RBM27: variants seen among roughly 807,000 people sequenced by gnomAD.
RBM27 encodes RNA-binding protein 27.
In RBM27, 22 loss-of-function variants were observed where a neutral mutation model predicts 135.3. The observed-to-expected ratio is 0.16, with a 90% CI of 0.12 to 0.23. RBM27 has a LOEUF of 0.23. Ranked by LOEUF, RBM27 falls within the 10% of genes least tolerant of loss-of-function variation. The probability of loss-of-function intolerance (pLI) is 1.00; values close to 1 mark genes in which losing one functional copy is unlikely to be tolerated. For synonymous variants in RBM27, 481 were observed against 442.4 expected (o/e 1.09, Z -1.10); for missense variants, 1,009 against 1,281.0 (o/e 0.79, Z 3.24).
At chr5:146,267,949 A>G (rs939126090) in intron 15 of RBM27, among the ~76,000 whole-genome samples, 181 bp downstream of exon 15, 2 of 152,148 alleles carry the variant, frequency 1.3e-5, no homozygotes, top group Non-Finnish European at 2.9e-5. Context: ...ATGTTTCACA[A>G]TTGCCATTCA....
chr5:146,228,943 T>C lies in RBM27; in HGVS notation c.304-3T>C, dbSNP rs1440610700. On this transcript the variant is annotated splice_region_variant and splice_polypyrimidine_tract_variant and intron_variant, in intron 3 of 20. Coordinates refer to ENST00000265271, the MANE Select transcript of RBM27 (RefSeq NM_018989.2). ...CTTACTTCTACTCAATATTTTCATATAGGTATTTCAGGAGCCAGCAGAGGA... is the reference window on the plus strand; with the variant it reads ...CTTACTTCTACTCAATATTTTCATACAGGTATTTCAGGAGCCAGCAGAGGA... The C allele has an allele frequency of 1.9e-6, 3 of 1,612,044 alleles. No individual in the cohort carries two copies. The highest frequency in any genetic ancestry group is 2.5e-6 in the Non-Finnish European group (3 of 1,178,508).
At chr5:146,214,956 A>G (rs1481886497) in intron 1 of RBM27, among the ~76,000 whole-genome samples, 1 of 152,178 alleles carries the variant, frequency 6.6e-6, no homozygotes, top group East Asian at 1.9e-4. Flanking sequence ...GATTTTTAGC[A>G]CTATCATATC....
intron 8 of RBM27, 136 bp downstream of exon 8, chr5:146,237,568 A>G: frequency 9.4e-7 from 1 of 1,062,124 alleles, no homozygotes; most frequent in Non-Finnish European, 1.4e-6. Context: ...TGTTTACAAT[A>G]CAGTTTATCG....
chr5:146,275,338 C>T (rs907182840), intron 19 of RBM27, among the ~76,000 whole-genome samples: 11 of 151,634 alleles, frequency 7.3e-5, no homozygotes, highest in Non-Finnish European at 1.3e-4. Flanking sequence ...GGTGTGATCT[C>T]GACTCCCTTG....
At chr5:146,265,942 A>G (rs1437013961) in intron 14 of RBM27, among the ~76,000 whole-genome samples, 1 of 152,346 alleles carries the variant, frequency 6.6e-6, no homozygotes, top group African/African-American at 2.4e-5. Context: ...GGGAAAAAAA[A>G]GGCAACAAAA....
At chr5:146,222,454 C>T (rs1352402565) in intron 2 of RBM27, among the ~76,000 whole-genome samples, 2 of 152,188 alleles carry the variant, frequency 1.3e-5, no homozygotes, top group Non-Finnish European at 2.9e-5. Flanking sequence ...GAGGCCGAGG[C>T]AGGCAGATCA....
intron 1 of RBM27, among the ~76,000 whole-genome samples, chr5:146,212,844 C>T (rs1756025051): frequency 6.6e-6 from 1 of 150,590 alleles, no homozygotes; most frequent in Admixed American, 6.6e-5. Context: ...CTCCTGAATA[C>T]CTGGGATTAC....
intron 4 of RBM27, 52 bp downstream of exon 4, chr5:146,229,089 C>G (rs1756811910): frequency 1.4e-6 from 2 of 1,424,550 alleles, no homozygotes; most frequent in African/African-American, 1.4e-5. Flanking sequence ...TTTTTAGTTG[C>G]CTTGCAAGGA....
chr5:146,269,433 A>T lies in RBM27; in HGVS notation c.2540A>T (p.Lys847Met). ...QIECQKMLIS[K>M]LEKNKNMKPE... ...TTTATTTCGTAGATGTTAATATCCA[A>T]GTTAGAAAAAAACAAAAACATGAAA... The change falls in exon 17 of 21, where the codon AAG (lysine) becomes ATG (methionine). Residue 847 changes from lysine (K) to methionine (M), a missense_variant. By Grantham distance (95) the Lys-to-Met change is moderately conservative (BLOSUM62 -1). This residue lies in a region of RBM27 where 355 missense variants were observed against 427.3 expected (regional missense o/e 0.83). Transcript: ENST00000265271. The T allele has an allele frequency of 6.4e-7, 1 of 1,559,636 alleles. No homozygotes were observed. Among genetic ancestry groups the T allele is most frequent in the African/African-American group, 1.4e-5 (1 of 72,188 alleles).
intron 14 of RBM27, among the ~76,000 whole-genome samples, chr5:146,264,480 A>G (rs776118466): frequency 6.6e-6 from 1 of 152,150 alleles, no homozygotes. Flanking sequence ...AATTTTAGAT[A>G]TTTATTAATA....
chr5:146,263,760 G>T, intron 14 of RBM27, 129 bp downstream of exon 14: 1 of 1,084,534 alleles, frequency 9.2e-7, no homozygotes, highest in Non-Finnish European at 1.3e-6. Flanking sequence ...TACCTCTCTA[G>T]TTTCCATGTT....
chr5:146,285,827 T>G, intron 20 of RBM27, 120 bp from the exon 21 acceptor site: 1 of 658,342 alleles, frequency 1.5e-6, no homozygotes, highest in Non-Finnish European at 2.6e-6. Flanking sequence ...TACTCTTGCA[T>G]GCATCCCTTA....
intron 6 of RBM27, 42 bp downstream of exon 6, chr5:146,230,959 T>C (rs771965263): frequency 1.3e-6 from 2 of 1,596,192 alleles, no homozygotes; most frequent in Admixed American, 3.4e-5. Flanking sequence ...CCAAAAGTAC[T>C]AGCAGAGCAA....
At chr5:146,274,358 G>A (rs569618438) in intron 19 of RBM27, among the ~76,000 whole-genome samples, 2 of 152,148 alleles carry the variant, frequency 1.3e-5, no homozygotes, top group African/African-American at 4.8e-5. Flanking sequence ...CTGGGTTCAA[G>A]CGATTCTCGT....
Position 146,269,554 on chromosome 5 carries a change from C to T in RBM27, c.2661C>T (p.Ser887=). 6 of 1,559,954 alleles carry T rather than the reference C, an allele frequency of 3.8e-6. No homozygotes were observed. The highest frequency in any genetic ancestry group is 5.2e-6 in the Non-Finnish European group (6 of 1,162,724). Residue 887 remains serine (S), a synonymous_variant, in exon 17 of 21, where the codon TCC becomes TCT. Coordinates refer to ENST00000265271, the MANE Select transcript of RBM27 (RefSeq NM_018989.2). The part of the protein sequence containing the change: ...KDELKTSSAV[S]TPSKVKTKTE... ...AATTAAAAACATCTTCTGCAGTCTC[C>T]ACACCATCTAAAGTGAAGACAAAAA...
At position 146,261,731 on chromosome 5, in the gene RBM27, G is replaced by A; in HGVS notation, c.2115G>A (p.Leu705=). The A allele has an allele frequency of 1.2e-6, 2 of 1,614,126 alleles. No homozygotes were observed. Among genetic ancestry groups the A allele is most frequent in the Non-Finnish European group, 1.7e-6 (2 of 1,180,012 alleles). The change falls in exon 13 of 21, where the codon CTG becomes CTA. Residue 705 remains leucine (L), a synonymous_variant. Coordinates refer to ENST00000265271, the MANE Select transcript of RBM27 (RefSeq NM_018989.2). ...LSHLSQQHHH[L]PQHLHQQQVL... The stretch of plus-strand genomic sequence containing the variant: ...ACCTCTCACAGCAGCACCATCACCT[G>A]CCACAGCATCTACATCAGCAGCAGG...
intron 19 of RBM27, among the ~76,000 whole-genome samples, chr5:146,272,957 T>C (rs1222809640): frequency 6.6e-6 from 1 of 152,174 alleles, no homozygotes. Flanking sequence ...AGTGGGAGAA[T>C]AGCTCTAAGT....
At position 146,211,464 on chromosome 5, in the gene RBM27, C is replaced by CTTTTTTTTTTTTTTTTTTTTTTTTTTTTT. The variant is rs57117642; in HGVS notation, c.60-7519_60-7491dup. Reference sequence around the variant, plus strand: ...CTTACTTTGTCCAGTATGGTCTTATCTTTTTTTTTTTTTTTTTTTTTTTTT... The same window carrying CTTTTTTTTTTTTTTTTTTTTTTTTTTTTT: ...CTTACTTTGTCCAGTATGGTCTTATCTTTTTTTTTTTTTTTTTTTTTTTTTTTTTTTTTTTTTTTTTTTTTTTTTTTTTT... On this transcript the variant is annotated intron_variant, in intron 1 of 20. Coordinates refer to ENST00000265271, the MANE Select transcript of RBM27 (RefSeq NM_018989.2). Among the ~76,000 whole-genome samples, 16 of 49,906 alleles carry CTTTTTTTTTTTTTTTTTTTTTTTTTTTTT rather than the reference C, an allele frequency of 3.2e-4. 4 individuals are homozygous for CTTTTTTTTTTTTTTTTTTTTTTTTTTTTT. The highest frequency in any genetic ancestry group is 2.3e-3 in the South Asian group (2 of 874). The allele number at this position is 49,906 out of a possible 152,430, so 32.7% of individuals were successfully genotyped here. A position where few individuals can be genotyped will look rare whatever the true frequency, so the allele number is the denominator to read the frequency against.
intron 6 of RBM27, among the ~76,000 whole-genome samples, chr5:146,232,988 T>A (rs931488326): frequency 3.3e-5 from 5 of 152,248 alleles, no homozygotes; most frequent in African/African-American, 4.8e-5. Context: ...TGGTACATAA[T>A]GTTCACGTGA....
Sources: allele counts gnomAD v4.1 joint callset (sites outside exome capture counted in the v4.1 genomes callset), GRCh38; gene constraint gnomAD v4.1.1; regional missense constraint gnomAD v4.1.1; transcripts MANE v1.5; gene names NCBI Gene and HGNC (gene_info 2026-07-23, HGNC 2026-07-21).